Variants in NBPF11 observed in about 807,000 individuals in gnomAD.
NBPF11 encodes the protein NBPF member 11.
In NBPF11, 72 loss-of-function variants were observed where a neutral mutation model predicts 93.9. That is an observed-to-expected ratio of 0.77 (90% CI 0.63 to 0.93). The LOEUF (loss-of-function observed/expected upper bound fraction) is 0.93, where lower values mean the gene tolerates loss of function less well. NBPF11 is among the 40% of genes least tolerant of loss of function. The probability of loss-of-function intolerance (pLI) is 0.00; values close to 1 mark genes in which losing one functional copy is unlikely to be tolerated. For synonymous variants in NBPF11, 224 were observed against 304.9 expected (o/e 0.73, Z 2.76); for missense variants, 705 against 802.2 (o/e 0.88, Z 1.46).
At chr1:148,126,145 T>C (rs1160361766) in intron 5 of NBPF11, among the ~76,000 whole-genome samples, 2 of 151,786 alleles carry the variant, frequency 1.3e-5, no homozygotes, top group Non-Finnish European at 2.9e-5. Context: ...TGATTACAGT[T>C]GCCCGCCACG....
intron 1 of NBPF11, among the ~76,000 whole-genome samples, chr1:148,143,897 T>TA (rs1445334655): frequency 5.5e-5 from 8 of 145,764 alleles, no homozygotes; most frequent in Admixed American, 4.8e-4. Flanking sequence ...TCTCTGAAAA[T>TA]AAAAAATGAG....
chr1:148,134,030 G>C (rs1670864994), intron 4 of NBPF11, among the ~76,000 whole-genome samples: 1 of 152,022 alleles, frequency 6.6e-6, no homozygotes, highest in South Asian at 2.1e-4. Flanking sequence ...TACTCTTCCA[G>C]AACCCTGTTG....
At chr1:148,144,141 G>A (rs1200032360) in intron 1 of NBPF11, among the ~76,000 whole-genome samples, 10 of 151,332 alleles carry the variant, frequency 6.6e-5, no homozygotes, top group African/African-American at 2.4e-4. Flanking sequence ...GATTCTTTCT[G>A]TTAGGGAATT....
rs1419964961 is a variant in NBPF11 at position 148,102,511 on chromosome 1, A to C, written c.*1385T>G. The C allele has an allele frequency of 1.3e-5, 2 of 151,768 alleles. No homozygotes were observed. The highest frequency in any genetic ancestry group is 4.9e-5 in the African/African-American group (2 of 41,078). 9.4% of individuals were successfully genotyped at this position (151,768 alleles called of 1,614,324 possible). ...CCTGATATCATAATGGTGTTGGACAAACTAGACCTTCTCTGCCCGCAGATG... is the reference window on the plus strand; with the variant it reads ...CCTGATATCATAATGGTGTTGGACACACTAGACCTTCTCTGCCCGCAGATG... On this transcript the variant is annotated 3_prime_UTR_variant, in exon 24 of 24. Coordinates refer to ENST00000682118, the MANE Select transcript of NBPF11 (RefSeq NM_001385469.3).
chr1:148,121,834 G>A (rs1667943073), intron 9 of NBPF11, among the ~76,000 whole-genome samples: 1 of 151,882 alleles, frequency 6.6e-6, no homozygotes, highest in Non-Finnish European at 1.5e-5. Flanking sequence ...GTAAAGATGG[G>A]TTTCACCATA....
intron 4 of NBPF11, among the ~76,000 whole-genome samples, chr1:148,131,370 TGAAGGG>T (rs1259045184): frequency 0.014 from 2,099 of 152,002 alleles, 70 homozygotes; most frequent in African/African-American, 0.049. Flanking sequence ...ATTGGAGATC[TGAAGGG>T]ACTCTCCAAA....
chr1:148,148,834 G>A (rs1393607560), intron 1 of NBPF11, among the ~76,000 whole-genome samples: 7 of 151,820 alleles, frequency 4.6e-5, no homozygotes, highest in Non-Finnish European at 1.0e-4. Flanking sequence ...GCACCTAGGG[G>A]TGACCAGGAG....
chr1:148,143,175 G>A (rs1177964620), intron 2 of NBPF11, among the ~76,000 whole-genome samples: 1 of 151,900 alleles, frequency 6.6e-6, no homozygotes, highest in Non-Finnish European at 1.5e-5. Flanking sequence ...AAGTCCTGAA[G>A]AGAACATGTC....
intron 15 of NBPF11, among the ~76,000 whole-genome samples, chr1:148,111,503 TA>T (rs1361034704): frequency 6.6e-6 from 1 of 151,598 alleles, no homozygotes; most frequent in Non-Finnish European, 1.5e-5. Context: ...CTAAAAACCT[TA>T]AAAAAAGATT....
chr1:148,142,393 C>G (rs1228958295), intron 2 of NBPF11, among the ~76,000 whole-genome samples: 1 of 151,816 alleles, frequency 6.6e-6, no homozygotes, highest in Non-Finnish European at 1.5e-5. Flanking sequence ...TGAGTCTTGT[C>G]TTTGGATAAG....
rs1450097745 is a variant in NBPF11, at chr1:148,122,225, G to C, written c.608C>G (p.Ser203Ter). 6.2e-7 allele frequency: 1 copy of C among 1,611,914 alleles called. No individual in the cohort carries two copies. The highest frequency in any genetic ancestry group is 8.5e-7 in the Non-Finnish European group (1 of 1,179,732). ...KAEESKVPEDSLEECAITCSN... is the reference protein window; with the variant it reads ...KAEESKVPED ...ACAAGTGATGGCACATTCCTCCAGT[G>C]AGTCCTCAGGGACTTTGCTCTCTTC... The change falls in exon 9 of 24, where the codon TCA becomes TGA. Residue 203 changes from serine to a stop codon, truncating the protein, a stop_gained. Coordinates refer to ENST00000682118, the MANE Select transcript of NBPF11 (RefSeq NM_001385469.3). LOFTEE classifies it high-confidence loss of function.
Position 148,121,918 on chromosome 1 carries a change from A to G in NBPF11, c.778+137T>C, listed in dbSNP as rs1667962176. 3.9e-6 allele frequency: 3 copies of G among 777,256 alleles called. No homozygotes were observed. In the South Asian group the frequency reaches 4.5e-5, roughly 12 times the overall value. The allele number at this position is 777,256 out of a possible 1,614,324, so 48.1% of individuals were successfully genotyped here. ...GGGCCTTCCAAAGTGCTGTGATTAT[A>G]TGTGTGAGTCACAGCACCTAGCTCC... On this transcript the variant is annotated intron_variant, in intron 9 of 23. Coordinates refer to ENST00000682118, the MANE Select transcript of NBPF11 (RefSeq NM_001385469.3).
chr1:148,122,150 T>C lies in NBPF11; in HGVS notation c.683A>G (p.Lys228Arg). The C allele has an allele frequency of 6.2e-7, 1 of 1,613,136 alleles. No homozygotes were observed. ...GACTTTGTCTTCCTCAAATGTGATT[T>C]TGATGTTCTTGTGAGGCTGGATGGA... ...CDSIQPHKNI[K>R]ITFEEDKVNS... Residue 228 changes from lysine (K) to arginine (R), a missense_variant, in exon 9 of 24, where the codon AAA becomes AGA. Transcript: ENST00000682118.
intron 15 of NBPF11, among the ~76,000 whole-genome samples, chr1:148,110,902 T>C (rs1665094417): frequency 6.6e-6 from 1 of 150,376 alleles, no homozygotes; most frequent in Admixed American, 6.6e-5. Context: ...GTGAAGAGAG[T>C]TCTTGACGCA....
chr1:148,141,878 T>A (rs1249032098), intron 2 of NBPF11, among the ~76,000 whole-genome samples: 9 of 151,602 alleles, frequency 5.9e-5, no homozygotes, highest in African/African-American at 2.2e-4. Flanking sequence ...GAGATTTTGA[T>A]AAGCAATGTA....
chr1:148,137,865 G>A (rs1222639759), intron 2 of NBPF11, 56 bp from the exon 3 acceptor site: 1 of 143,168 alleles, frequency 7.0e-6, no homozygotes, highest in Non-Finnish European at 1.5e-5. Context: ...ACACCTGTGG[G>A]CGTTTCTCGT....
At chr1:148,146,805 C>A in intron 1 of NBPF11, 2 of 1,613,538 alleles carry the variant, frequency 1.2e-6, no homozygotes, top group Non-Finnish European at 1.7e-6. Flanking sequence ...TGGGCTCCCG[C>A]CTCCACTGCA....
intron 23 of NBPF11, among the ~76,000 whole-genome samples, 190 bp downstream of exon 23, chr1:148,104,347 C>T (rs1290994451): frequency 4.8e-5 from 7 of 146,352 alleles, no homozygotes; most frequent in Non-Finnish European, 8.9e-5. Flanking sequence ...ACCTATGGTA[C>T]GTTAGTAAAT....
chr1:148,146,384 C>T lies in NBPF11; in HGVS notation c.-548-2698G>A, dbSNP rs1255147392. 8.9e-6 allele frequency: 14 copies of T among 1,576,070 alleles called. No homozygotes were observed. The African/African-American group carries it at 1.1e-4, about 12-fold the overall frequency. The stretch of plus-strand genomic sequence containing the variant: ...GGCCCCGGTGGAGGCCCGGCCCGGG[C>T]GGCGCCCGCCATGAACGGGCTGTCG... On this transcript the variant is annotated intron_variant, in intron 1 of 23. Transcript: ENST00000682118.
Sources: gnomAD v4.1 joint callset for allele counts (sites outside exome capture counted in the v4.1 genomes callset) on GRCh38, gnomAD v4.1.1 for gene constraint, MANE v1.5 for transcripts, NCBI Gene and HGNC (gene_info 2026-07-23, HGNC 2026-07-21) for gene names.